CACNA1B: variants seen among roughly 807,000 people sequenced by gnomAD.
CACNA1B encodes the protein voltage-dependent N-type calcium channel subunit alpha-1B.
In CACNA1B, 70 loss-of-function variants were observed where a neutral mutation model predicts 247.2. The ratio of observed to expected loss-of-function variants is 0.28; its 90% CI spans 0.23 to 0.35. CACNA1B has a LOEUF of 0.35. Ranked by LOEUF, CACNA1B falls within the 10% of genes least tolerant of loss-of-function variation. CACNA1B has a pLI of 1.00. For synonymous variants in CACNA1B, 1,231 were observed against 1,294.4 expected (o/e 0.95, Z 1.05); for missense variants, 2,367 against 3,197.4 (o/e 0.74, Z 6.26).
At chr9:137,936,075 T>A (rs1957664451) in intron 6 of CACNA1B, among the ~76,000 whole-genome samples, 1 of 152,216 alleles carries the variant, frequency 6.6e-6, no homozygotes, top group Non-Finnish European at 1.5e-5. Flanking sequence ...GCCAGGATGG[T>A]CTTGATCTCC....
chr9:138,087,254 G>A (rs1960721688), intron 36 of CACNA1B, among the ~76,000 whole-genome samples: 1 of 149,574 alleles, frequency 6.7e-6, no homozygotes, highest in Admixed American at 6.6e-5. Flanking sequence ...GCATGGTGGT[G>A]GGTGCCTGTA....
At chr9:137,972,570 C>T (rs765706114) in intron 11 of CACNA1B, among the ~76,000 whole-genome samples, 24 of 152,158 alleles carry the variant, frequency 1.6e-4, no homozygotes, top group Admixed American at 1.4e-3. Flanking sequence ...TCTAGCCGGC[C>T]GGCTGAGCCC....
rs1047424243 is a variant in CACNA1B, at chr9:137,974,489, G to A, written c.1544-1418G>A. On this transcript the variant is annotated intron_variant, in intron 11 of 46. Coordinates refer to ENST00000371372, the MANE Select transcript of CACNA1B (RefSeq NM_000718.4). The surrounding 1 kb of genome is among the most constrained non-coding windows in gnomAD (Gnocchi z 4.5). ...ATACAAAGTGGGGTGTCCGCTCCCT[G>A]AGACTCCTGTCTGTTTGTACGGTGC... Among the ~76,000 whole-genome samples, 1 of 152,186 alleles carries A rather than the reference G, an allele frequency of 6.6e-6. No homozygotes were observed. The highest frequency in any genetic ancestry group is 2.4e-5 in the African/African-American group (1 of 41,448).
At chr9:138,021,338 G>A (rs967971638) in intron 18 of CACNA1B, among the ~76,000 whole-genome samples, 6 of 152,252 alleles carry the variant, frequency 3.9e-5, no homozygotes, top group African/African-American at 7.2e-5. Flanking sequence ...AAGCTCCCAG[G>A]TGAGACACAG....
intron 39 of CACNA1B, among the ~76,000 whole-genome samples, chr9:138,111,138 G>A (rs947133110): frequency 6.6e-6 from 1 of 152,140 alleles, no homozygotes. Context: ...ACAGTTTGCC[G>A]TTACTTCTAT....
intron 18 of CACNA1B, among the ~76,000 whole-genome samples, chr9:138,021,095 C>T (rs1958839862): frequency 6.6e-6 from 1 of 152,214 alleles, no homozygotes; most frequent in African/African-American, 2.4e-5. Flanking sequence ...GTGCAAGCCC[C>T]TGGGGCTGCC....
At chr9:138,115,422 G>A in intron 41 of CACNA1B, 130 bp from the exon 42 acceptor site, 1 of 946,366 alleles carries the variant, frequency 1.1e-6, no homozygotes, top group Non-Finnish European at 1.6e-6. Flanking sequence ...CCTTGCTAAG[G>A]GGAAAGAGCC....
At chr9:138,005,371 G>C (rs10780197) in intron 15 of CACNA1B, among the ~76,000 whole-genome samples, 44,193 of 152,150 alleles carry the variant, frequency 0.29, 9,139 homozygotes, top group East Asian at 0.65. Context: ...CACAGAAAGA[G>C]AAACTTCACA....
chr9:138,055,753 G>A lies in CACNA1B; in HGVS notation c.3968+1747G>A, dbSNP rs13292843. Reference sequence around the variant, plus strand: ...AAAACAAAACAGCTTTAGGCCAGGCGCGGTGGCTCACGCCTGTAATCCCAG... The same window carrying A: ...AAAACAAAACAGCTTTAGGCCAGGCACGGTGGCTCACGCCTGTAATCCCAG... On this transcript the variant is annotated intron_variant, in intron 26 of 46. Transcript: ENST00000371372. Among the ~76,000 whole-genome samples, 4 of 152,150 alleles carry A rather than the reference G, an allele frequency of 2.6e-5. No homozygotes were observed. In the South Asian group the frequency reaches 8.3e-4, roughly 31 times the overall value.
intron 18 of CACNA1B, among the ~76,000 whole-genome samples, chr9:138,016,128 ACT>A (rs571662686): frequency 5.6e-4 from 85 of 152,170 alleles, no homozygotes; most frequent in Non-Finnish European, 9.3e-4. Flanking sequence ...ATCATCCCAC[ACT>A]GTCAATCACA....
At chr9:138,112,991 G>T (rs1439759273) in intron 40 of CACNA1B, among the ~76,000 whole-genome samples, 1 of 146,570 alleles carries the variant, frequency 6.8e-6, no homozygotes, top group Non-Finnish European at 1.5e-5. Context: ...ACTGCATCTC[G>T]TGGGAGACGT....
intron 6 of CACNA1B, among the ~76,000 whole-genome samples, chr9:137,925,576 A>G (rs1957539691): frequency 6.6e-6 from 1 of 152,148 alleles, no homozygotes; most frequent in Non-Finnish European, 1.5e-5. Flanking sequence ...TGATCATTCA[A>G]CCTTACCAAC....
intron 31 of CACNA1B, among the ~76,000 whole-genome samples, chr9:138,060,363 G>T (rs537890177): frequency 6.6e-6 from 1 of 152,296 alleles, no homozygotes; most frequent in South Asian, 2.1e-4. Flanking sequence ...GAGCACTCAT[G>T]TGAAATTTAT....
chr9:138,016,069 C>G (rs375920023), intron 18 of CACNA1B, among the ~76,000 whole-genome samples: 2 of 152,148 alleles, frequency 1.3e-5, no homozygotes, highest in African/African-American at 4.8e-5. Flanking sequence ...CAGACACACA[C>G]ACACAGACCC....
intron 10 of CACNA1B, among the ~76,000 whole-genome samples, chr9:137,959,471 ATGAAT>A (rs1419196260): frequency 1.3e-5 from 2 of 152,216 alleles, no homozygotes; most frequent in African/African-American, 4.8e-5. Context: ...ATTTTGTAAA[ATGAAT>A]TGAAGAGTTA....
At chr9:137,883,325 G>A (rs1400034724) in intron 3 of CACNA1B, among the ~76,000 whole-genome samples, 4 of 151,912 alleles carry the variant, frequency 2.6e-5, no homozygotes, top group South Asian at 4.2e-4. Flanking sequence ...TGCCTGAGAC[G>A]CTCACCTGTG....
rs185915493 is a variant in CACNA1B, at chr9:138,124,218, C to G, written c.*2219C>G. 6.6e-6 allele frequency: 1 copy of G among 152,278 alleles called. No individual in the cohort carries two copies. Among genetic ancestry groups the G allele is most frequent in the African/African-American group, 2.4e-5 (1 of 41,542 alleles). The allele number at this position is 152,278 out of a possible 1,614,324, so 9.4% of individuals were successfully genotyped here. On this transcript the variant is annotated 3_prime_UTR_variant, in exon 47 of 47. Coordinates refer to ENST00000371372, the MANE Select transcript of CACNA1B (RefSeq NM_000718.4). The stretch of plus-strand genomic sequence containing the variant: ...AATTTGAAGTGCATCACCCAGTTGT[C>G]TGCATCTGGAACCAGTCAAGCAGTG...
At position 138,049,126 on chromosome 9, in the gene CACNA1B, A is replaced by T. The variant is rs1042332097; in HGVS notation, c.3604-83A>T. On this transcript the variant is annotated intron_variant, in intron 23 of 46. Transcript: ENST00000371372. ...TGCCTCAGCCTCCCCAAGTGCTGAG[A>T]TTACAGGCATGAGCCTCTGCACCTG... 6 of 925,428 alleles carry T rather than the reference A, an allele frequency of 6.5e-6. No homozygotes were observed. In the Middle Eastern group the frequency reaches 8.5e-4, roughly 130 times the overall value. The allele number at this position is 925,428 out of a possible 1,614,324, so 57.3% of individuals were successfully genotyped here. A position where few individuals can be genotyped will look rare whatever the true frequency, so the allele number is the denominator to read the frequency against.
Position 137,974,603 on chromosome 9 carries a change from C to T in CACNA1B, c.1544-1304C>T, listed in dbSNP as rs1280954207. Among the ~76,000 whole-genome samples the T allele has an allele frequency of 6.6e-6, 1 of 152,230 alleles. No individual in the cohort carries two copies. Among genetic ancestry groups the T allele is most frequent in the Non-Finnish European group, 1.5e-5 (1 of 68,034 alleles). ...CCGACCGAGGCTGTCTGGACCTGTG[C>T]AGCACAGCCCTTGGTGGAGGAGATT... On this transcript the variant is annotated intron_variant, in intron 11 of 46. Transcript: ENST00000371372. The surrounding 1 kb of genome is among the most constrained non-coding windows in gnomAD (Gnocchi z 4.5).
Sources: gnomAD v4.1 joint callset for allele counts (sites outside exome capture counted in the v4.1 genomes callset) on GRCh38, gnomAD v4.1.1 for gene constraint, Gnocchi (gnomAD v3.1) non-coding constraint, MANE v1.5 for transcripts, NCBI Gene and HGNC (gene_info 2026-07-23, HGNC 2026-07-21) for gene names.